Variants in NKAIN3 observed in about 807,000 individuals in gnomAD.
NKAIN3 encodes sodium/potassium-transporting ATPase subunit beta-1-interacting protein 3.
NKAIN3 carries 25 observed loss-of-function variants against 30.2 expected under a neutral mutation model. The observed-to-expected ratio is 0.83, with a 90% CI of 0.60 to 1.16. The LOEUF is 1.16. Among genes scored for constraint, NKAIN3 ranks in the 50% most tolerant of loss-of-function variants. The probability of loss-of-function intolerance (pLI) is 0.00; values close to 1 mark genes in which losing one functional copy is unlikely to be tolerated. For synonymous variants in NKAIN3, 91 were observed against 89.6 expected, an observed-to-expected ratio of 1.02 and a Z score of -0.09; for missense variants, 225 against 254.1, an observed-to-expected ratio of 0.89 and a Z score of 0.78.
rs574470057 is a variant in NKAIN3 at position 62,995,214 on chromosome 8, T to G, written c.533-4017T>G. ...ATGGCTTATGTATATCTGAGAGCAT[T>G]TTAATATTAAGCAAATAAACCCCAA... is the stretch of plus-strand genomic sequence containing the variant. On this transcript the variant is annotated intron_variant, in intron 5 of 5. Coordinates refer to the NKAIN3 transcript ENST00000519049. Among the ~76,000 whole-genome samples, 9 of 152,312 alleles carry G rather than the reference T, an allele frequency of 5.9e-5. No homozygotes were observed. In the South Asian group the frequency reaches 1.9e-3, roughly 32 times the overall value.
At chr8:62,731,372 A>G (rs1375984931) in intron 3 of NKAIN3, among the ~76,000 whole-genome samples, 1 of 152,148 alleles carries the variant, frequency 6.6e-6, no homozygotes, top group Non-Finnish European at 1.5e-5. Flanking sequence ...CTTTGATATT[A>G]TAACTGTCTT....
chr8:62,729,048 A>AAAAAAAAAAAAC (rs1815381131), intron 3 of NKAIN3, among the ~76,000 whole-genome samples: 1 of 141,480 alleles, frequency 7.1e-6, no homozygotes, highest in Non-Finnish European at 1.6e-5. Flanking sequence ...AACAAAAAAA[A>AAAAAAAAAAAAC]AAAACCTCCT....
chr8:62,463,865 AT>A (rs1294198321), intron 1 of NKAIN3, among the ~76,000 whole-genome samples: 5 of 152,332 alleles, frequency 3.3e-5, no homozygotes, highest in African/African-American at 1.2e-4. Flanking sequence ...AGTTATATAA[AT>A]ATTGTCTCTA....
At chr8:62,754,946 T>C (rs1238612891) in intron 4 of NKAIN3, among the ~76,000 whole-genome samples, 2 of 152,204 alleles carry the variant, frequency 1.3e-5, no homozygotes, top group Admixed American at 1.3e-4. Context: ...TTTTGAAATA[T>C]ATCCCAATTG....
chr8:62,651,387 G>T (rs1812614394), intron 3 of NKAIN3, among the ~76,000 whole-genome samples: 1 of 152,152 alleles, frequency 6.6e-6, no homozygotes, highest in Admixed American at 6.5e-5. Flanking sequence ...GGAGCAATTT[G>T]CATTACTCTC....
intron 1 of NKAIN3, among the ~76,000 whole-genome samples, chr8:62,562,358 C>G (rs1234854522): frequency 6.6e-6 from 1 of 152,084 alleles, no homozygotes; most frequent in Non-Finnish European, 1.5e-5. Flanking sequence ...TTGACGAAGA[C>G]CGTTTCACCA....
chr8:62,677,066 A>AT (rs1813500512), intron 3 of NKAIN3, among the ~76,000 whole-genome samples: 1 of 151,864 alleles, frequency 6.6e-6, no homozygotes, highest in African/African-American at 2.4e-5. Flanking sequence ...GGTCTTGTAT[A>AT]TTTTTTGGTT....
intron 4 of NKAIN3, among the ~76,000 whole-genome samples, chr8:62,753,596 C>A (rs1033359502): frequency 6.6e-6 from 1 of 152,020 alleles, no homozygotes; most frequent in African/African-American, 2.4e-5. Context: ...ATTATTGATA[C>A]TAACCTGATG....
intron 4 of NKAIN3, among the ~76,000 whole-genome samples, chr8:62,912,933 T>C (rs1198198947): frequency 1.3e-5 from 2 of 151,682 alleles, no homozygotes; most frequent in Non-Finnish European, 2.9e-5. Context: ...AAGAAAAAAC[T>C]GAGATCCAAA....
chr8:62,863,847 G>C, intron 4 of NKAIN3: 1 of 1,600,564 alleles, frequency 6.2e-7, no homozygotes, highest in Non-Finnish European at 8.6e-7. Context: ...ATTTTCACTG[G>C]ATGATAGCCA....
At chr8:62,671,860 C>A (rs1189454830) in intron 3 of NKAIN3, among the ~76,000 whole-genome samples, 1 of 151,878 alleles carries the variant, frequency 6.6e-6, no homozygotes, top group Admixed American at 6.6e-5. Flanking sequence ...ACTGTCATAC[C>A]CACATATCAT....
chr8:62,363,467 A>G (rs1211924208), intron 1 of NKAIN3, among the ~76,000 whole-genome samples: 1 of 152,126 alleles, frequency 6.6e-6, no homozygotes, highest in Non-Finnish European at 1.5e-5. Flanking sequence ...CTCAACACAC[A>G]GTTCTTTAAT....
At chr8:62,651,124 A>G (rs1005171952) in intron 3 of NKAIN3, among the ~76,000 whole-genome samples, 2 of 152,048 alleles carry the variant, frequency 1.3e-5, no homozygotes, top group African/African-American at 4.8e-5. Flanking sequence ...AAGAAAAAAA[A>G]AAACTTCTTC....
intron 1 of NKAIN3, among the ~76,000 whole-genome samples, chr8:62,546,667 A>G (rs1205336875): frequency 6.6e-6 from 1 of 152,192 alleles, no homozygotes. Context: ...CATGAGTATA[A>G]ACCAGACACT....
At chr8:62,294,991 T>C (rs1813781184) in intron 1 of NKAIN3, among the ~76,000 whole-genome samples, 1 of 152,210 alleles carries the variant, frequency 6.6e-6, no homozygotes, top group African/African-American at 2.4e-5. Flanking sequence ...TTGTGTCATG[T>C]TGTTGGGGTA....
chr8:62,286,036 G>A (rs1813369349), intron 1 of NKAIN3, among the ~76,000 whole-genome samples: 1 of 152,062 alleles, frequency 6.6e-6, no homozygotes, highest in South Asian at 2.1e-4. Flanking sequence ...CAAATGTCTA[G>A]CCAAGTACTA....
intron 4 of NKAIN3, among the ~76,000 whole-genome samples, chr8:62,887,966 C>G (rs866620441): frequency 6.6e-6 from 1 of 152,082 alleles, no homozygotes; most frequent in Non-Finnish European, 1.5e-5. Context: ...GATAGCTGGA[C>G]GTAAGTGCAG....
intron 1 of NKAIN3, among the ~76,000 whole-genome samples, chr8:62,531,646 G>A (rs79056029): frequency 0.033 from 5,029 of 152,214 alleles, 232 homozygotes; most frequent in African/African-American, 0.11. Context: ...CCGACTGTCT[G>A]GTGCAGAGTA....
intron 1 of NKAIN3, among the ~76,000 whole-genome samples, chr8:62,502,748 A>G (rs1043103314): frequency 6.6e-6 from 1 of 152,154 alleles, no homozygotes; most frequent in Non-Finnish European, 1.5e-5. Context: ...ACATTTACAT[A>G]TGTAGCAGCT....
Sources: gnomAD v4.1 joint callset for allele counts (sites outside exome capture counted in the v4.1 genomes callset) on GRCh38, gnomAD v4.1.1 for gene constraint, MANE v1.5 for transcripts, NCBI Gene and HGNC (gene_info 2026-07-23, HGNC 2026-07-21) for gene names.